Variants in BCHE observed in about 807,000 individuals in gnomAD.
The protein encoded by BCHE is butyrylcholinesterase.
Under a neutral mutation model 51.3 loss-of-function variants are expected in BCHE, and 48 were observed. That is an observed-to-expected ratio of 0.94 (90% CI 0.74 to 1.19). BCHE has a LOEUF of 1.19. Ranked by LOEUF, BCHE falls within the 50% of genes most tolerant of loss-of-function variation. The pLI is 0.00. For missense variants in BCHE, 847 were observed against 708.2 expected (o/e 1.20, Z -2.23); for synonymous variants, 251 against 238.0 (o/e 1.05, Z -0.50).
At chr3:165,777,995 A>C (rs990845050) in intron 3 of BCHE, among the ~76,000 whole-genome samples, 2 of 152,144 alleles carry the variant, frequency 1.3e-5, no homozygotes, top group African/African-American at 2.4e-5. Flanking sequence ...AGGTCCAGTC[A>C]AGTAGGCTTA....
At chr3:165,834,894 A>G (rs1023285130) in intron 1 of BCHE, among the ~76,000 whole-genome samples, 2 of 151,974 alleles carry the variant, frequency 1.3e-5, no homozygotes, top group Admixed American at 6.6e-5. Flanking sequence ...ACTGTCTCAC[A>G]TGATTCTGAG....
At chr3:165,776,269 G>A (rs1712468031) in intron 3 of BCHE, among the ~76,000 whole-genome samples, 1 of 151,878 alleles carries the variant, frequency 6.6e-6, no homozygotes, top group Non-Finnish European at 1.5e-5. Context: ...AAGTTTCTTA[G>A]AATTGTAACC....
chr3:165,806,823 G>C (rs945182541), intron 2 of BCHE, among the ~76,000 whole-genome samples: 1 of 151,876 alleles, frequency 6.6e-6, no homozygotes, highest in Non-Finnish European at 1.5e-5. Flanking sequence ...GCCATATTTG[G>C]TTCTCTTTAT....
intron 3 of BCHE, among the ~76,000 whole-genome samples, chr3:165,778,106 T>C (rs1712544507): frequency 6.6e-6 from 1 of 152,058 alleles, no homozygotes; most frequent in South Asian, 2.1e-4. Flanking sequence ...CAGATTGTTT[T>C]TCCAGAGTCA....
chr3:165,812,739 G>A (rs1176803784), intron 2 of BCHE, among the ~76,000 whole-genome samples: 2 of 151,870 alleles, frequency 1.3e-5, no homozygotes, highest in Non-Finnish European at 2.9e-5. Context: ...AATGAAAAAG[G>A]CTTCAATATT....
chr3:165,831,044 GAA>G lies in BCHE; in HGVS notation c.-8-5_-8-4del. 1 of 1,604,090 alleles carries G rather than the reference GAA, an allele frequency of 6.2e-7. No individual in the cohort carries two copies. ...GACTTTGCTATGCATATTGATTTCT[GAA>G]AGAGAGGTAAGTATAATGTTTTATA... On this transcript the variant is annotated splice_polypyrimidine_tract_variant and splice_region_variant and intron_variant, in intron 1 of 3. Transcript: ENST00000264381.
intron 2 of BCHE, among the ~76,000 whole-genome samples, chr3:165,798,274 T>C (rs1266239271): frequency 2.7e-5 from 4 of 150,408 alleles, no homozygotes; most frequent in African/African-American, 9.8e-5. Context: ...TGTGTGTCTG[T>C]GTGTGTGTGT....
At chr3:165,795,705 A>T (rs1480874145) in intron 2 of BCHE, among the ~76,000 whole-genome samples, 1 of 152,132 alleles carries the variant, frequency 6.6e-6, no homozygotes, top group Non-Finnish European at 1.5e-5. Flanking sequence ...GGCAGGAATC[A>T]AGGTACCTAG....
At chr3:165,787,222 T>C (rs1236973659) in intron 2 of BCHE, among the ~76,000 whole-genome samples, 1 of 151,854 alleles carries the variant, frequency 6.6e-6, no homozygotes, top group Non-Finnish European at 1.5e-5. Context: ...TATACCTTTA[T>C]AGCACTCAAT....
intron 2 of BCHE, among the ~76,000 whole-genome samples, chr3:165,812,393 CATT>C (rs1714136436): frequency 6.6e-6 from 1 of 151,526 alleles, no homozygotes; most frequent in East Asian, 1.9e-4. Context: ...TAATTTTAGA[CATT>C]ATCTATTCTT....
Position 165,773,337 on chromosome 3 carries a change from C to T in BCHE, c.*45G>A. 2 of 1,569,680 alleles carry T rather than the reference C, an allele frequency of 1.3e-6. No homozygotes were observed. Among genetic ancestry groups the T allele is most frequent in the African/African-American group, 1.4e-5 (1 of 73,606 alleles). Reference sequence around the variant, plus strand: ...GTAAAAAAGCTCCTGATATTTTTGCCTTGATCTAAAGGAAAATATGTTCTA... The same window carrying T: ...GTAAAAAAGCTCCTGATATTTTTGCTTTGATCTAAAGGAAAATATGTTCTA... On this transcript the variant is annotated 3_prime_UTR_variant, in exon 4 of 4. Coordinates refer to ENST00000264381, the MANE Select transcript of BCHE (RefSeq NM_000055.4).
chr3:165,807,132 A>C (rs1332032082), intron 2 of BCHE, among the ~76,000 whole-genome samples: 3 of 152,098 alleles, frequency 2.0e-5, no homozygotes, highest in Non-Finnish European at 4.4e-5. Flanking sequence ...ACTGAAGAAA[A>C]TGTTTCACTG....
At chr3:165,774,176 T>C (rs1344620833) in intron 3 of BCHE, among the ~76,000 whole-genome samples, 2 of 152,164 alleles carry the variant, frequency 1.3e-5, no homozygotes, top group East Asian at 3.8e-4. Context: ...TATAGATGTA[T>C]TTATTTATCA....
At chr3:165,833,232 T>C (rs1715055595) in intron 1 of BCHE, among the ~76,000 whole-genome samples, 1 of 152,122 alleles carries the variant, frequency 6.6e-6, no homozygotes, top group African/African-American at 2.4e-5. Context: ...GGTACTATTA[T>C]ATATAATTTA....
intron 1 of BCHE, among the ~76,000 whole-genome samples, chr3:165,834,723 C>T (rs952668748): frequency 2.6e-5 from 4 of 151,452 alleles, no homozygotes; most frequent in African/African-American, 9.7e-5. Context: ...AATATTGAGT[C>T]TATATCTCAA....
intron 2 of BCHE, 142 bp downstream of exon 2, chr3:165,829,375 A>C (rs1032783183): frequency 1.3e-6 from 1 of 781,000 alleles, no homozygotes. Context: ...ATAAGAAAAA[A>C]TAAAACCAGC....
At chr3:165,832,125 A>G (rs1206460474) in intron 1 of BCHE, among the ~76,000 whole-genome samples, 1 of 152,226 alleles carries the variant, frequency 6.6e-6, no homozygotes, top group African/African-American at 2.4e-5. Context: ...TTTGACATTT[A>G]TGAAATAATA....
chr3:165,805,281 G>A (rs116002651), intron 2 of BCHE, among the ~76,000 whole-genome samples: 283 of 152,200 alleles, frequency 1.9e-3, no homozygotes, highest in African/African-American at 6.6e-3. Context: ...TGAAGATGAA[G>A]TAGAATCTTC....
intron 2 of BCHE, among the ~76,000 whole-genome samples, chr3:165,826,843 G>T (rs1714740099): frequency 1.3e-5 from 2 of 152,078 alleles, no homozygotes; most frequent in South Asian, 2.1e-4. Flanking sequence ...TTTACATTTT[G>T]GAATGAATAA....
Sources: gnomAD v4.1 joint callset for allele counts (sites outside exome capture counted in the v4.1 genomes callset) on GRCh38, gnomAD v4.1.1 for gene constraint, MANE v1.5 for transcripts, NCBI Gene and HGNC (gene_info 2026-07-23, HGNC 2026-07-21) for gene names.